MIOS: variants seen among roughly 807,000 people sequenced by gnomAD.
The protein encoded by MIOS is meiosis regulator for oocyte development.
Under a neutral mutation model 96.9 loss-of-function variants are expected in MIOS, and 52 were observed. The observed-to-expected ratio is 0.54, with a 90% CI of 0.43 to 0.68. MIOS has a LOEUF of 0.68. Among genes scored for constraint, MIOS ranks in the 30% least tolerant of loss-of-function variants. The pLI is 0.00. For synonymous variants in MIOS, 397 were observed against 359.5 expected (o/e 1.10, Z -1.18); for missense variants, 1,005 against 1,052.8 (o/e 0.95, Z 0.63).
chr7:7,579,422 C>T (rs566491916), intron 5 of MIOS, among the ~76,000 whole-genome samples: 2 of 152,268 alleles, frequency 1.3e-5, no homozygotes, highest in South Asian at 2.1e-4. Context: ...TGTTAACAAT[C>T]GACTGCATAT....
Position 7,588,017 on chromosome 7 carries a change from C to G in MIOS, c.1819-481C>G, listed in dbSNP as rs140097756. 6.8e-4 allele frequency among the ~76,000 whole-genome samples: 103 copies of G among 152,228 alleles called. 1 individual carries two copies. The highest frequency in any genetic ancestry group is 6.0e-3 in the South Asian group (29 of 4,832). On this transcript the variant is annotated intron_variant, in intron 7 of 12. Coordinates refer to ENST00000340080, the MANE Select transcript of MIOS (RefSeq NM_019005.4). Reference sequence around the variant, plus strand: ...GAGTGTGTCTGTTTATGTTTTAAAACTTGTCACTTTGTACTTGGAAACGTA... The same window carrying G: ...GAGTGTGTCTGTTTATGTTTTAAAAGTTGTCACTTTGTACTTGGAAACGTA...
intron 12 of MIOS, among the ~76,000 whole-genome samples, chr7:7,606,771 G>GA (rs1174759438): frequency 3.9e-5 from 6 of 151,922 alleles, no homozygotes; most frequent in Admixed American, 2.6e-4. Flanking sequence ...ATGCCATTTT[G>GA]AAAAGTTGCA....
intron 11 of MIOS, among the ~76,000 whole-genome samples, chr7:7,598,950 A>G (rs1784293488): frequency 6.6e-6 from 1 of 152,080 alleles, no homozygotes. Flanking sequence ...TTATATATAT[A>G]ATACATATTT....
intron 9 of MIOS, 56 bp downstream of exon 9, chr7:7,589,619 T>C (rs1783990767): frequency 6.5e-7 from 1 of 1,540,466 alleles, no homozygotes; most frequent in South Asian, 1.3e-5. Flanking sequence ...ATATTTTCTT[T>C]CCTCAGTTGA....
At chr7:7,598,815 A>G (rs1784289456) in intron 11 of MIOS, among the ~76,000 whole-genome samples, 1 of 152,216 alleles carries the variant, frequency 6.6e-6, no homozygotes, top group African/African-American at 2.4e-5. Context: ...GAAAAATCTT[A>G]AAACATTTGA....
chr7:7,588,433 G>A, intron 7 of MIOS, 65 bp from the exon 8 acceptor site: 1 of 920,780 alleles, frequency 1.1e-6, no homozygotes, highest in African/African-American at 1.7e-5. Context: ...AAAACATTCA[G>A]TCTCTGCAAA....
intron 5 of MIOS, among the ~76,000 whole-genome samples, chr7:7,578,763 T>G (rs951608004): frequency 1.4e-4 from 22 of 151,906 alleles, no homozygotes; most frequent in African/African-American, 4.6e-4. Context: ...CAGGCTGGAG[T>G]GCAGTGACAC....
chr7:7,571,286 G>A (rs114144611), intron 3 of MIOS, among the ~76,000 whole-genome samples: 4,520 of 152,156 alleles, frequency 0.03, 221 homozygotes, highest in African/African-American at 0.1. Flanking sequence ...TATTTAGTTC[G>A]TGTGCTTCTA....
Position 7,599,514 on chromosome 7 carries a change from T to G in MIOS, c.2401+3053T>G, listed in dbSNP as rs149908658. Among the ~76,000 whole-genome samples, 141 of 152,312 alleles carry G rather than the reference T, an allele frequency of 9.3e-4. 2 individuals carry two copies. The East Asian group carries it at 0.024, about 26-fold the overall frequency. ...GGAAGTTACCATTTAAGCCAGTCCT[T>G]TAAAGTTTGGTAGATTTAATATATG... On this transcript the variant is annotated intron_variant, in intron 11 of 12. Transcript: ENST00000340080.
rs1442274193 is a variant in MIOS, at chr7:7,595,261, T to G, written c.2196+129T>G. ...GTCTTTGTCTTTTGTAGACTGAACT[T>G]TGTCCTTGATCTTCCTGTCCTTTGG... On this transcript the variant is annotated intron_variant, in intron 10 of 12. Transcript: ENST00000340080. The G allele has an allele frequency of 1.1e-5, 11 of 993,534 alleles. No homozygotes were observed. In the Admixed American group the frequency reaches 1.5e-4, roughly 13 times the overall value. 61.5% of individuals were successfully genotyped at this position (993,534 alleles called of 1,614,324 possible). A position where few individuals can be genotyped will look rare whatever the true frequency, so the allele number is the denominator to read the frequency against.
At chr7:7,574,730 G>T (rs1234533068) in intron 5 of MIOS, among the ~76,000 whole-genome samples, 1 of 151,856 alleles carries the variant, frequency 6.6e-6, no homozygotes, top group African/African-American at 2.4e-5. Context: ...AGTTAATGTA[G>T]GATTGAAAAT....
intron 5 of MIOS, among the ~76,000 whole-genome samples, chr7:7,576,268 A>C (rs1783527932): frequency 6.6e-6 from 1 of 152,194 alleles, no homozygotes; most frequent in Non-Finnish European, 1.5e-5. Flanking sequence ...TTATCCTAGG[A>C]ACTAGAGACA....
chr7:7,595,036 T>C lies in MIOS; in HGVS notation c.2100T>C (p.Tyr700=), dbSNP rs746834201. 5.6e-5 allele frequency: 90 copies of C among 1,613,770 alleles called. No individual in the cohort carries two copies. The highest frequency in any genetic ancestry group is 6.6e-5 in the Non-Finnish European group (78 of 1,179,806). Residue 700 remains tyrosine (Y), a synonymous_variant, in exon 10 of 13, where the codon TAT becomes TAC. Coordinates refer to ENST00000340080, the MANE Select transcript of MIOS (RefSeq NM_019005.4). ...DERVQYWIEN[Y]RNLLDAWRFW... is the part of the protein sequence containing the mutation. ...GGGTTCAGTACTGGATTGAGAATTA[T>C]AGAAATTTATTAGATGCCTGGAGGT...
rs1221110307 is a variant in MIOS, at chr7:7,574,111, C to T, written c.1308C>T (p.Tyr436=). Residue 436 remains tyrosine, a synonymous_variant, in exon 5 of 13, where the codon TAC becomes TAT. Transcript: ENST00000340080. Reference sequence around the variant, plus strand: ...GCATTTAAATACTTATGAAGCAATACACAGAAGATATGGATCAGAAATCTC... The same window carrying T: ...GCATTTAAATACTTATGAAGCAATATACAGAAGATATGGATCAGAAATCTC... ...LWYTLHFMKQ[Y]TEDMDQKSPG... is the part of the protein sequence containing the mutation. The T allele has an allele frequency of 5.0e-6, 8 of 1,607,516 alleles. No individual in the cohort carries two copies. The highest frequency in any genetic ancestry group is 6.8e-6 in the Non-Finnish European group (8 of 1,175,742).
rs886285174 is a variant in MIOS, at chr7:7,606,166, C to G, written c.2531+95C>G. Reference sequence around the variant, plus strand: ...TTGGGTTTATCTATTAGCATTTAGCCAAAGTATGAATTTTATTTTTTACTG... The same window carrying G: ...TTGGGTTTATCTATTAGCATTTAGCGAAAGTATGAATTTTATTTTTTACTG... On this transcript the variant is annotated intron_variant, in intron 12 of 12. Coordinates refer to ENST00000340080, the MANE Select transcript of MIOS (RefSeq NM_019005.4). The G allele has an allele frequency of 5.4e-6, 8 of 1,469,486 alleles. No homozygotes were observed. The African/African-American group carries it at 8.5e-5, about 16-fold the overall frequency. 91.0% of individuals were successfully genotyped at this position (1,469,486 alleles called of 1,614,324 possible). A position where few individuals can be genotyped will look rare whatever the true frequency, so the allele number is the denominator to read the frequency against.
Position 7,586,213 on chromosome 7 carries a change from C to CA in MIOS, c.1818+409dup, listed in dbSNP as rs150627391. Among the ~76,000 whole-genome samples the CA allele has an allele frequency of 6.6e-3, 999 of 151,562 alleles. 11 individuals are homozygous for CA. Among genetic ancestry groups the CA allele is most frequent in the African/African-American group, 0.023 (958 of 41,246 alleles). On this transcript the variant is annotated intron_variant, in intron 7 of 12. Coordinates refer to ENST00000340080, the MANE Select transcript of MIOS (RefSeq NM_019005.4). Reference sequence around the variant, plus strand: ...GTGTGTGTAGTTAAATAAAACAACTCACGATTATTGATCAGTTATGGTGGA... The same window carrying CA: ...GTGTGTGTAGTTAAATAAAACAACTCAACGATTATTGATCAGTTATGGTGGA...
chr7:7,596,051 T>C (rs991218510), intron 10 of MIOS, among the ~76,000 whole-genome samples: 1 of 152,150 alleles, frequency 6.6e-6, no homozygotes, highest in Non-Finnish European at 1.5e-5. Context: ...TTAGTAAGAA[T>C]ATAATTAAAA....
chr7:7,576,815 A>C (rs983947808), intron 5 of MIOS, among the ~76,000 whole-genome samples: 1 of 152,222 alleles, frequency 6.6e-6, no homozygotes, highest in African/African-American at 2.4e-5. Context: ...CAGAGGAGCT[A>C]GAGAAATGTG....
At chr7:7,582,616 T>C (rs1003382076) in intron 5 of MIOS, 4 of 977,534 alleles carry the variant, frequency 4.1e-6, no homozygotes, top group African/African-American at 3.5e-5. Context: ...GTAATCTTGT[T>C]TTTTAATGTA....
Sources: allele counts gnomAD v4.1 joint callset (sites outside exome capture counted in the v4.1 genomes callset), GRCh38; gene constraint gnomAD v4.1.1; transcripts MANE v1.5; gene names NCBI Gene and HGNC (gene_info 2026-07-23, HGNC 2026-07-21).